Variants in EEFSEC observed in about 807,000 individuals in gnomAD.
EEFSEC encodes the protein selenocysteine-specific elongation factor.
Under a neutral mutation model 42.1 loss-of-function variants are expected in EEFSEC, and 43 were observed. The observed-to-expected ratio is 1.02, with a 90% CI of 0.80 to 1.32. The LOEUF is 1.32. Among genes scored for constraint, EEFSEC ranks in the 40% most tolerant of loss-of-function variants. EEFSEC has a pLI of 0.00. For synonymous variants in EEFSEC, 354 were observed against 339.1 expected (o/e 1.04, Z -0.48); for missense variants, 745 against 803.6 (o/e 0.93, Z 0.88).
intron 6 of EEFSEC, among the ~76,000 whole-genome samples, chr3:128,370,005 A>G (rs956582415): frequency 5.3e-5 from 8 of 152,122 alleles, no homozygotes; most frequent in African/African-American, 1.9e-4. Flanking sequence ...AGATTCCCCA[A>G]CTGTCGCAAT....
At chr3:128,326,690 G>A (rs895815758) in intron 4 of EEFSEC, among the ~76,000 whole-genome samples, 10 of 152,226 alleles carry the variant, frequency 6.6e-5, no homozygotes, top group Admixed American at 4.6e-4. Flanking sequence ...CTGTCAGTCT[G>A]TATTGAGTAA....
chr3:128,311,018 A>G (rs1445116057), intron 4 of EEFSEC, among the ~76,000 whole-genome samples: 12 of 152,262 alleles, frequency 7.9e-5, no homozygotes, highest in Non-Finnish European at 1.6e-4. Context: ...AGTGTAGGTG[A>G]GGAAACAAAC....
At chr3:128,193,435 G>A (rs1223741925) in intron 1 of EEFSEC, among the ~76,000 whole-genome samples, 1 of 152,214 alleles carries the variant, frequency 6.6e-6, no homozygotes. Flanking sequence ...CGGGGGAGGG[G>A]CTGCCCTCTG....
intron 4 of EEFSEC, among the ~76,000 whole-genome samples, chr3:128,273,596 A>G (rs1420043123): frequency 6.6e-6 from 1 of 152,220 alleles, no homozygotes; most frequent in Non-Finnish European, 1.5e-5. Context: ...CCAGAAGCGG[A>G]TGACTGGCTG....
At chr3:128,377,260 T>TC (rs2067720541) in intron 6 of EEFSEC, among the ~76,000 whole-genome samples, 1 of 152,148 alleles carries the variant, frequency 6.6e-6, no homozygotes, top group Admixed American at 6.5e-5. Flanking sequence ...ATACAAACTT[T>TC]TTTTTTTCTT....
chr3:128,395,358 C>A (rs530063729), intron 6 of EEFSEC, among the ~76,000 whole-genome samples: 216 of 152,308 alleles, frequency 1.4e-3, no homozygotes, highest in African/African-American at 5.1e-3. Flanking sequence ...GCCATGCTGC[C>A]TCACTGAGAC....
intron 4 of EEFSEC, among the ~76,000 whole-genome samples, chr3:128,340,268 C>T (rs1381578806): frequency 6.6e-6 from 1 of 152,112 alleles, no homozygotes; most frequent in African/African-American, 2.4e-5. Flanking sequence ...TTCTTCGAGA[C>T]CTTTACCCCA....
intron 4 of EEFSEC, among the ~76,000 whole-genome samples, chr3:128,286,859 A>G (rs2066591872): frequency 6.6e-6 from 1 of 152,216 alleles, no homozygotes; most frequent in South Asian, 2.1e-4. Flanking sequence ...GCATCTACCT[A>G]TCTGCATTTA....
At chr3:128,230,279 A>G (rs1443116457) in intron 1 of EEFSEC, among the ~76,000 whole-genome samples, 2 of 152,120 alleles carry the variant, frequency 1.3e-5, no homozygotes, top group Non-Finnish European at 2.9e-5. Flanking sequence ...CAGAGTAGCC[A>G]GGACTACAGG....
chr3:128,353,822 G>T (rs1347913339), intron 5 of EEFSEC, among the ~76,000 whole-genome samples: 2 of 152,170 alleles, frequency 1.3e-5, no homozygotes, highest in East Asian at 3.9e-4. Flanking sequence ...ATTTTACTGA[G>T]CCCCCTGTTC....
At chr3:128,316,265 T>G (rs1247477155) in intron 4 of EEFSEC, among the ~76,000 whole-genome samples, 2 of 152,230 alleles carry the variant, frequency 1.3e-5, no homozygotes, top group Non-Finnish European at 2.9e-5. Context: ...GTTAAGAGCA[T>G]GCTCTGTGTT....
chr3:128,323,264 G>A (rs914459293), intron 4 of EEFSEC, among the ~76,000 whole-genome samples: 1 of 152,174 alleles, frequency 6.6e-6, no homozygotes, highest in Non-Finnish European at 1.5e-5. Flanking sequence ...TCTTGCATAT[G>A]GGAAATGGGA....
chr3:128,386,697 A>G (rs1258440820), intron 6 of EEFSEC, among the ~76,000 whole-genome samples: 4 of 152,208 alleles, frequency 2.6e-5, no homozygotes, highest in African/African-American at 9.6e-5. Flanking sequence ...GAAGCTTACA[A>G]TCATTGTGGA....
In EEFSEC at chr3:128,350,245, A is replaced by G. The variant is rs545883384; in HGVS notation, c.1444-7972A>G. Among the ~76,000 whole-genome samples, 11 of 152,354 alleles carry G rather than the reference A, an allele frequency of 7.2e-5. 1 individual carries two copies. In the South Asian group the frequency reaches 2.1e-3, roughly 29 times the overall value. Reference sequence around the variant, plus strand: ...CAGGGAGCGTGCTGGCCTGGGGTGCAGGCTGGCTCATGACCTGCCTCTGGC... The same window carrying G: ...CAGGGAGCGTGCTGGCCTGGGGTGCGGGCTGGCTCATGACCTGCCTCTGGC... On this transcript the variant is annotated intron_variant, in intron 5 of 6. Coordinates refer to ENST00000254730, the MANE Select transcript of EEFSEC (RefSeq NM_021937.5).
At position 128,306,567 on chromosome 3, in the gene EEFSEC, G is replaced by A. The variant is rs1487543769; in HGVS notation, c.787-34666G>A. 1.3e-5 allele frequency among the ~76,000 whole-genome samples: 2 copies of A among 152,074 alleles called. 1 individual carries two copies. Among genetic ancestry groups the A allele is most frequent in the South Asian group, 4.1e-4 (2 of 4,834 alleles). On this transcript the variant is annotated intron_variant, in intron 4 of 6. Transcript: ENST00000254730. ...CTTTCTGAGTCATTTTGTTTTAGAT[G>A]TGATTCTTGTTTACAATATATAGTA...
intron 3 of EEFSEC, 87 bp downstream of exon 3, chr3:128,262,311 A>G (rs2066307215): frequency 1.1e-5 from 13 of 1,217,792 alleles, no homozygotes; most frequent in South Asian, 1.3e-5. Flanking sequence ...CTGAGAGAGA[A>G]AGAGAGGCAG....
chr3:128,399,049 C>T (rs568667328), intron 6 of EEFSEC, among the ~76,000 whole-genome samples: 1 of 151,868 alleles, frequency 6.6e-6, no homozygotes, highest in East Asian at 1.9e-4. Context: ...CTGCCTATTT[C>T]AGAATGGATT....
At chr3:128,230,075 G>A (rs548631128) in intron 1 of EEFSEC, among the ~76,000 whole-genome samples, 4 of 117,516 alleles carry the variant, frequency 3.4e-5, no homozygotes, top group Admixed American at 9.7e-5. Context: ...TTTCTTTCTC[G>A]CCCGCTTTCT....
At chr3:128,379,935 C>T (rs545511723) in intron 6 of EEFSEC, among the ~76,000 whole-genome samples, 2 of 152,392 alleles carry the variant, frequency 1.3e-5, no homozygotes, top group East Asian at 3.9e-4. Flanking sequence ...TGGGCCCACA[C>T]ATGCTCCACC....
Sources: gnomAD v4.1 joint callset for allele counts (sites outside exome capture counted in the v4.1 genomes callset) on GRCh38, gnomAD v4.1.1 for gene constraint, MANE v1.5 for transcripts, NCBI Gene and HGNC (gene_info 2026-07-23, HGNC 2026-07-21) for gene names.